Variants in GASK1A observed in about 807,000 individuals in gnomAD.
GASK1A encodes golgi associated kinase 1A.
Under a neutral mutation model 41.2 loss-of-function variants are expected in GASK1A, and 40 were observed. The observed-to-expected ratio is 0.97, with a 90% CI of 0.75 to 1.27. GASK1A has a LOEUF of 1.27. GASK1A is among the 50% of genes most tolerant of loss of function. The pLI is 0.00. For synonymous variants in GASK1A, 316 were observed against 307.1 expected (o/e 1.03, Z -0.30); for missense variants, 678 against 745.1 (o/e 0.91, Z 1.05).
At chr3:43,037,472 G>A in intron 2 of GASK1A, 1 of 636,172 alleles carries the variant, frequency 1.6e-6, no homozygotes. Context: ...TATAGAGAGT[G>A]AAGGATGCTG....
intron 1 of GASK1A, among the ~76,000 whole-genome samples, chr3:42,998,650 G>T (rs2089389746): frequency 6.6e-6 from 1 of 152,098 alleles, no homozygotes; most frequent in South Asian, 2.1e-4. Flanking sequence ...CAGGGGAGGG[G>T]GTCTCTGTCT....
At chr3:43,028,392 G>C (rs1365950417) in intron 1 of GASK1A, among the ~76,000 whole-genome samples, 1 of 152,236 alleles carries the variant, frequency 6.6e-6, no homozygotes, top group Non-Finnish European at 1.5e-5. Context: ...GGTCCATTCA[G>C]ATGGTCAGGG....
In GASK1A at chr3:43,056,167, T is replaced by C; in HGVS notation, c.1518-9T>C. 6.5e-7 allele frequency: 1 copy of C among 1,547,002 alleles called. No individual in the cohort carries two copies. On this transcript the variant is annotated splice_polypyrimidine_tract_variant and intron_variant, in intron 4 of 4. Transcript: ENST00000430121. ...TTTCTGTTACGGGGCTCTGGGGCCTTTGCTCCAGGTTTCCTGAGTCTGCCG... is the reference window on the plus strand; with the variant it reads ...TTTCTGTTACGGGGCTCTGGGGCCTCTGCTCCAGGTTTCCTGAGTCTGCCG...
At chr3:43,053,063 G>C (rs1160282551) in intron 2 of GASK1A, among the ~76,000 whole-genome samples, 1 of 152,224 alleles carries the variant, frequency 6.6e-6, no homozygotes, top group Non-Finnish European at 1.5e-5. Flanking sequence ...GCCTGCTGCA[G>C]GGTGAAAGAG....
At chr3:42,999,595 A>T (rs1254267992) in intron 1 of GASK1A, among the ~76,000 whole-genome samples, 2 of 152,248 alleles carry the variant, frequency 1.3e-5, no homozygotes, top group Non-Finnish European at 2.9e-5. Context: ...GGACTCCTAC[A>T]GTAGAAAGGC....
At chr3:43,026,916 T>C (rs2089549640) in intron 1 of GASK1A, among the ~76,000 whole-genome samples, 5 of 152,184 alleles carry the variant, frequency 3.3e-5, no homozygotes, top group Admixed American at 3.3e-4. Context: ...ATAGGGCATA[T>C]TGCACGCCAA....
intron 2 of GASK1A, among the ~76,000 whole-genome samples, chr3:43,043,798 T>G (rs1021337825): frequency 6.6e-6 from 1 of 152,226 alleles, no homozygotes; most frequent in African/African-American, 2.4e-5. Flanking sequence ...TCTTGGTATC[T>G]CTTCATTTTT....
intron 1 of GASK1A, among the ~76,000 whole-genome samples, chr3:43,021,083 G>A (rs1318415248): frequency 6.6e-6 from 1 of 152,122 alleles, no homozygotes; most frequent in Non-Finnish European, 1.5e-5. Flanking sequence ...GGCAATGGCA[G>A]GGAGTTTGGT....
Position 42,979,399 on chromosome 3 carries a change from A to G in GASK1A, c.-244A>G. 1 of 400,042 alleles carries G rather than the reference A, an allele frequency of 2.5e-6. No individual in the cohort carries two copies. The highest frequency in any genetic ancestry group is 4.4e-6 in the Non-Finnish European group (1 of 229,770). 24.8% of individuals were successfully genotyped at this position (400,042 alleles called of 1,614,324 possible). ...CTCAGATCCCCGTAGATCTCAGTAG[A>G]TCCGGCGTGTATTCCCCACCCGCGG... On this transcript the variant is annotated 5_prime_UTR_variant, in exon 1 of 5. Transcript: ENST00000430121.
rs144684360 is a variant in GASK1A, at chr3:42,987,236, T to C, written c.3+7591T>C. 3.5e-3 allele frequency among the ~76,000 whole-genome samples: 531 copies of C among 152,322 alleles called. 5 individuals carry two copies. Among genetic ancestry groups the C allele is most frequent in the African/African-American group, 0.012 (516 of 41,576 alleles). On this transcript the variant is annotated intron_variant, in intron 1 of 4. Coordinates refer to ENST00000430121, the MANE Select transcript of GASK1A (RefSeq NM_001129908.3). Reference sequence around the variant, plus strand: ...CCTTTCCTCATTGGCCGGGGTCGGGTCATACAATCTAAACTAATCCTGGTT... The same window carrying C: ...CCTTTCCTCATTGGCCGGGGTCGGGCCATACAATCTAAACTAATCCTGGTT...
chr3:43,044,393 T>A (rs779623728), intron 2 of GASK1A, among the ~76,000 whole-genome samples: 2 of 151,966 alleles, frequency 1.3e-5, no homozygotes, highest in African/African-American at 2.4e-5. Flanking sequence ...GAGTGGGGGG[T>A]GAGGACAGTG....
At chr3:42,995,176 A>G (rs190992801) in intron 1 of GASK1A, among the ~76,000 whole-genome samples, 92 of 152,304 alleles carry the variant, frequency 6.0e-4, no homozygotes, top group African/African-American at 2.1e-3. Flanking sequence ...AAATCCGCCT[A>G]TGTTTCGTTT....
chr3:43,031,669 C>T (rs62247120), intron 1 of GASK1A, among the ~76,000 whole-genome samples: 29,527 of 152,224 alleles, frequency 0.19, 3,169 homozygotes, highest in South Asian at 0.35. Flanking sequence ...CCGGCAGGGA[C>T]GGCAAGAGAG....
chr3:43,055,645 C>A, intron 4 of GASK1A, 110 bp downstream of exon 4: 1 of 769,870 alleles, frequency 1.3e-6, no homozygotes, highest in South Asian at 1.6e-5. Context: ...GTCCATCAGA[C>A]AGAAGTTATT....
intron 1 of GASK1A, among the ~76,000 whole-genome samples, chr3:42,988,053 T>C (rs1020082496): frequency 2.7e-5 from 4 of 145,636 alleles, no homozygotes; most frequent in African/African-American, 1.0e-4. Context: ...TAATTGTGTG[T>C]ACGGGTTTAT....
At chr3:43,011,606 A>C (rs2089463894) in intron 1 of GASK1A, among the ~76,000 whole-genome samples, 1 of 151,354 alleles carries the variant, frequency 6.6e-6, no homozygotes, top group Non-Finnish European at 1.5e-5. Flanking sequence ...CACAGGAAGA[A>C]GCAGAGTGAA....
chr3:43,020,548 G>A (rs1348503961), intron 1 of GASK1A, among the ~76,000 whole-genome samples: 2 of 152,170 alleles, frequency 1.3e-5, no homozygotes, highest in Non-Finnish European at 2.9e-5. Context: ...TCTGACCGAG[G>A]GCACACATTG....
chr3:43,033,655 C>T, intron 2 of GASK1A, 102 bp downstream of exon 2: 1 of 1,141,326 alleles, frequency 8.8e-7, no homozygotes, highest in Non-Finnish European at 1.2e-6. Context: ...GACTCTCCCC[C>T]AAGTCTTGGT....
chr3:43,040,276 A>ACC (rs10654003), intron 2 of GASK1A, among the ~76,000 whole-genome samples: 112,838 of 151,754 alleles, frequency 0.74, 43,106 homozygotes, highest in East Asian at 0.86. Context: ...GGCTACCTTT[A>ACC]ATAGAGCCAA....
Sources: gnomAD v4.1 joint callset for allele counts (sites outside exome capture counted in the v4.1 genomes callset) on GRCh38, gnomAD v4.1.1 for gene constraint, MANE v1.5 for transcripts, NCBI Gene and HGNC (gene_info 2026-07-23, HGNC 2026-07-21) for gene names.